KREMEN1: variants seen among roughly 807,000 people sequenced by gnomAD.
KREMEN1 encodes kringle containing transmembrane protein 1.
KREMEN1 carries 30 observed loss-of-function variants against 46.5 expected under a neutral mutation model. That is an observed-to-expected ratio of 0.65 (90% confidence interval 0.48 to 0.88). KREMEN1 has a LOEUF of 0.88. Among genes scored for constraint, KREMEN1 ranks in the 40% least tolerant of loss-of-function variants. The probability of loss-of-function intolerance (pLI) is 0.00; values close to 1 mark genes in which losing one functional copy is unlikely to be tolerated. For synonymous variants in KREMEN1, 214 were observed against 230.6 expected, an observed-to-expected ratio of 0.93 and a Z score of 0.65; for missense variants, 533 against 596.9, an observed-to-expected ratio of 0.89 and a Z score of 1.11.
intron 5 of KREMEN1, among the ~76,000 whole-genome samples, chr22:29,127,398 T>C (rs529321548): frequency 1.9e-4 from 29 of 152,238 alleles, no homozygotes; most frequent in African/African-American, 7.0e-4. Flanking sequence ...TATGGAGAAA[T>C]TGGAACCCTC....
chr22:29,086,703 A>G (rs1002870314), intron 1 of KREMEN1, among the ~76,000 whole-genome samples: 1 of 152,184 alleles, frequency 6.6e-6, no homozygotes. Flanking sequence ...TTGAAACCCA[A>G]CAGGGCGATA....
At chr22:29,110,609 A>G (rs191802980) in intron 3 of KREMEN1, among the ~76,000 whole-genome samples, 20 of 152,374 alleles carry the variant, frequency 1.3e-4, no homozygotes, top group South Asian at 4.1e-4. Flanking sequence ...CCCTAAGGGC[A>G]GAATTCCACA....
At chr22:29,120,322 G>A (rs940919392) in intron 3 of KREMEN1, among the ~76,000 whole-genome samples, 20 of 146,526 alleles carry the variant, frequency 1.4e-4, no homozygotes, top group African/African-American at 5.1e-4. Context: ...GGAGGGAGAG[G>A]TGATGATGGA....
intron 1 of KREMEN1, among the ~76,000 whole-genome samples, chr22:29,091,735 C>CTG (rs1476752796): frequency 2.6e-5 from 4 of 151,740 alleles, no homozygotes; most frequent in Non-Finnish European, 5.9e-5. Context: ...CACACATTGT[C>CTG]TCTCTCTCTC....
intron 1 of KREMEN1, among the ~76,000 whole-genome samples, chr22:29,090,034 A>G (rs998656347): frequency 4.6e-5 from 7 of 152,208 alleles, no homozygotes; most frequent in African/African-American, 1.7e-4. Context: ...TGATCAGTTT[A>G]TTATAAACAT....
At chr22:29,134,214 A>G (rs369993903) in intron 5 of KREMEN1, 12 of 151,620 alleles carry the variant, frequency 7.9e-5, no homozygotes, top group South Asian at 2.1e-4. Context: ...CTGGAGTGCA[A>G]TGGTGCAATC....
At chr22:29,111,334 C>T (rs1013342397) in intron 3 of KREMEN1, among the ~76,000 whole-genome samples, 7 of 148,268 alleles carry the variant, frequency 4.7e-5, no homozygotes, top group African/African-American at 1.7e-4. Context: ...AAAATTAGGC[C>T]GGGTGCGGTG....
In KREMEN1 at chr22:29,144,650, T is replaced by G. The variant is rs376883591; in HGVS notation, c.*2538T>G. Reference sequence around the variant, plus strand: ...GTGTGTGTCGTCCCAACGGGTCCTGTGCTGTGAATAGATCCATGTGCAGCA... The same window carrying G: ...GTGTGTGTCGTCCCAACGGGTCCTGGGCTGTGAATAGATCCATGTGCAGCA... On this transcript the variant is annotated 3_prime_UTR_variant, in exon 9 of 9. Transcript: ENST00000400335. 11 of 985,402 alleles carry G rather than the reference T, an allele frequency of 1.1e-5. No individual in the cohort carries two copies. In the Admixed American group the frequency reaches 5.5e-4, roughly 50 times the overall value. 61.0% of individuals were successfully genotyped at this position (985,402 alleles called of 1,614,324 possible).
chr22:29,100,572 A>G (rs2037961335), intron 3 of KREMEN1, among the ~76,000 whole-genome samples: 1 of 152,246 alleles, frequency 6.6e-6, no homozygotes, highest in Non-Finnish European at 1.5e-5. Flanking sequence ...AACATATACA[A>G]TTATGTACAG....
chr22:29,096,965 G>A (rs927396629), intron 2 of KREMEN1, among the ~76,000 whole-genome samples: 1 of 152,242 alleles, frequency 6.6e-6, no homozygotes, highest in Non-Finnish European at 1.5e-5. Flanking sequence ...TGAGTGATGG[G>A]AATGCACTTT....
At chr22:29,141,243 GTGTGTGTCTGCATGTGCA>G (rs957753898) in intron 8 of KREMEN1, among the ~76,000 whole-genome samples, 10 of 150,290 alleles carry the variant, frequency 6.7e-5, no homozygotes, top group African/African-American at 2.0e-4. Context: ...GTGTGTGTGT[GTGTGTGTCTGCATGTGCA>G]TGTGTGTGTG....
chr22:29,160,975 G>A (rs949237594), intron 9 of KREMEN1, among the ~76,000 whole-genome samples: 4 of 113,066 alleles, frequency 3.5e-5, no homozygotes, highest in Admixed American at 1.0e-4. Flanking sequence ...TCAGTAAACC[G>A]CTAGCTAGAT....
At chr22:29,138,039 A>G (rs1190022480) in intron 6 of KREMEN1, among the ~76,000 whole-genome samples, 1 of 152,226 alleles carries the variant, frequency 6.6e-6, no homozygotes, top group Non-Finnish European at 1.5e-5. Flanking sequence ...TCCTCTAAAC[A>G]TCCTAGCTAA....
At position 29,145,035 on chromosome 22, in the gene KREMEN1, T is replaced by A; in HGVS notation, c.*2923T>A. ...AGCGTACGGGCAGGAGGGCTGTAAA[T>A]CATCCCAGGCTAAGCCTCCGTGGGC... On this transcript the variant is annotated 3_prime_UTR_variant, in exon 9 of 9. Coordinates refer to ENST00000400335, the MANE Select transcript of KREMEN1 (RefSeq NM_001039570.3). 2 of 985,408 alleles carry A rather than the reference T, an allele frequency of 2.0e-6. No homozygotes were observed. Among genetic ancestry groups the A allele is most frequent in the Non-Finnish European group, 2.4e-6 (2 of 829,960 alleles). The allele number at this position is 985,408 out of a possible 1,614,324, so 61.0% of individuals were successfully genotyped here.
intron 2 of KREMEN1, 38 bp downstream of exon 2, chr22:29,094,458 A>G (rs750360541): frequency 1.7e-5 from 26 of 1,567,832 alleles, no homozygotes; most frequent in African/African-American, 1.2e-4. Context: ...AAAGATAGAT[A>G]TATATCTAGT....
At chr22:29,075,121 T>C (rs1421668662) in intron 1 of KREMEN1, among the ~76,000 whole-genome samples, 2 of 152,200 alleles carry the variant, frequency 1.3e-5, no homozygotes, top group Non-Finnish European at 2.9e-5. Flanking sequence ...CCGTCTTTTA[T>C]GGGACTTCTA....
At chr22:29,130,655 G>A (rs955600718) in intron 5 of KREMEN1, among the ~76,000 whole-genome samples, 1 of 152,220 alleles carries the variant, frequency 6.6e-6, no homozygotes, top group Non-Finnish European at 1.5e-5. Context: ...GGAGCACTCA[G>A]CTGGGGTTCC....
At position 29,142,054 on chromosome 22, in the gene KREMEN1, A is replaced by T; in HGVS notation, c.1319A>T (p.Lys440Met). 6.2e-7 allele frequency: 1 copy of T among 1,613,134 alleles called. No individual in the cohort carries two copies. Among genetic ancestry groups the T allele is most frequent in the Non-Finnish European group, 8.5e-7 (1 of 1,179,592 alleles). The change falls in exon 9 of 9, where the codon AAG becomes ATG. Residue 440 changes from lysine (K) to methionine (M), a missense_variant. Physicochemically the swap from Lys to Met is moderately conservative, Grantham distance 95 (BLOSUM62 -1). Transcript: ENST00000400335. ...CCTTCCACTTCAATTTCCATCTTTA[A>T]GAAGAAACTCAAGGGTCAGAGTCAA... ...YKPSTSISIF[K>M]KKLKGQSQQD...
At chr22:29,089,747 T>C (rs1383740182) in intron 1 of KREMEN1, among the ~76,000 whole-genome samples, 1 of 152,232 alleles carries the variant, frequency 6.6e-6, no homozygotes, top group African/African-American at 2.4e-5. Context: ...CCTTCCCTGC[T>C]CATTCTCCTG....
Sources: allele counts gnomAD v4.1 joint callset (sites outside exome capture counted in the v4.1 genomes callset), GRCh38; gene constraint gnomAD v4.1.1; transcripts MANE v1.5; gene names NCBI Gene and HGNC (gene_info 2026-07-23, HGNC 2026-07-21).